The following IQANK1 variants were observed in gnomAD, a reference collection of about 807,000 sequenced individuals.
IQANK1 encodes the protein IQ motif and ankyrin repeat domain-containing protein 1.
Under a neutral mutation model 22.6 loss-of-function variants are expected in IQANK1, and 30 were observed. The observed-to-expected ratio is 1.33, with a 90% CI of 0.99 to 1.80. The LOEUF (loss-of-function observed/expected upper bound fraction) is 1.80, where lower values mean the gene tolerates loss of function less well. Among genes scored for constraint, IQANK1 ranks in the 40% most tolerant of loss-of-function variants. IQANK1 has a pLI of 0.00. For synonymous variants in IQANK1, 122 were observed against 99.6 expected, an observed-to-expected ratio of 1.23 and a Z score of -1.34; for missense variants, 275 against 235.2, an observed-to-expected ratio of 1.17 and a Z score of -1.11.
intron 3 of IQANK1, among the ~76,000 whole-genome samples, chr8:143,752,995 CG>C (rs1294322039): frequency 0.015 from 1,092 of 74,698 alleles, 21 homozygotes; most frequent in African/African-American, 0.051. Flanking sequence ...ACTCTCTGTT[CG>C]TTTTTTTTTT....
intron 3 of IQANK1, among the ~76,000 whole-genome samples, chr8:143,762,202 T>C (rs1819407850): frequency 6.6e-6 from 1 of 151,932 alleles, no homozygotes; most frequent in Non-Finnish European, 1.5e-5. Flanking sequence ...TCCCAGCTAC[T>C]CGGGAGGCTG....
At position 143,773,317 on chromosome 8, in the gene IQANK1, C is replaced by CA. The variant is rs112006229; in HGVS notation, c.789+843dup. On this transcript the variant is annotated intron_variant, in intron 7 of 13. Coordinates refer to ENST00000527139, the MANE Select transcript of IQANK1 (RefSeq NM_001381874.1). ...GTGAGACTCAAAAAAAAAAAAAAAA[C>CA]AAAAAAAACACAAAAAAAACAGAGT... 6.1e-3 allele frequency among the ~76,000 whole-genome samples: 821 copies of CA among 133,682 alleles called. 5 individuals carry two copies. Among genetic ancestry groups the CA allele is most frequent in the Admixed American group, 9.7e-3 (134 of 13,758 alleles). 87.7% of individuals were successfully genotyped at this position (133,682 alleles called of 152,430 possible).
chr8:143,751,650 G>GTATATATATATA (rs1223222979), intron 3 of IQANK1, among the ~76,000 whole-genome samples: 2 of 27,848 alleles, frequency 7.2e-5, no homozygotes, highest in Admixed American at 1.1e-3. Context: ...GTGTGTGTGT[G>GTATATATATATA]TGTGTGTGTG....
Position 143,790,120 on chromosome 8 carries a change from C to G in IQANK1, c.1290-17C>G, listed in dbSNP as rs782037321. On this transcript the variant is annotated splice_polypyrimidine_tract_variant and intron_variant, in intron 12 of 13. Transcript: ENST00000527139. ...TGGGGTTTGGACAGACAGCAGTGAC[C>G]TGATGGGTGTCCCCAGGTGGCCTCT... 8.4e-5 allele frequency: 103 copies of G among 1,231,984 alleles called. No homozygotes were observed. The highest frequency in any genetic ancestry group is 1.0e-4 in the Non-Finnish European group (100 of 988,004). 76.3% of individuals were successfully genotyped at this position (1,231,984 alleles called of 1,614,324 possible).
In IQANK1 at chr8:143,790,142, C is replaced by T. The variant is rs192093540; in HGVS notation, c.1295C>T (p.Pro432Leu). 8 of 1,232,072 alleles carry T rather than the reference C, an allele frequency of 6.5e-6. No homozygotes were observed. Among genetic ancestry groups the T allele is most frequent in the East Asian group, 6.3e-5 (2 of 31,710 alleles). The allele number at this position is 1,232,072 out of a possible 1,614,324, so 76.3% of individuals were successfully genotyped here. ...GACCTGATGGGTGTCCCCAGGTGGC[C>T]TCTTGTTATTGACCCTTTGGGCCAG... ...GNRIRADGRW[P>L]LVIDPLGQAA... The change falls in exon 13 of 14, where the codon CCT becomes CTT. Residue 432 changes from proline to leucine, a missense_variant. By Grantham distance (98) the Pro-to-Leu change is moderately conservative (BLOSUM62 -3). Transcript: ENST00000527139.
intron 3 of IQANK1, among the ~76,000 whole-genome samples, chr8:143,753,388 TC>T (rs1321153075): frequency 6.6e-6 from 1 of 152,114 alleles, no homozygotes; most frequent in Non-Finnish European, 1.5e-5. Context: ...GTGCTTGAGT[TC>T]TTTAAGATAA....
intron 3 of IQANK1, among the ~76,000 whole-genome samples, chr8:143,754,483 G>T (rs1819252191): frequency 6.6e-6 from 1 of 152,138 alleles, no homozygotes; most frequent in Non-Finnish European, 1.5e-5. Flanking sequence ...GTTCCTTGTG[G>T]GCAGTTGGGC....
intron 7 of IQANK1, among the ~76,000 whole-genome samples, chr8:143,773,831 C>T (rs1819632862): frequency 6.6e-6 from 1 of 152,154 alleles, no homozygotes; most frequent in African/African-American, 2.4e-5. Flanking sequence ...TACGGTGAGG[C>T]GTCCAGAGGT....
chr8:143,746,409 G>A (rs1389241904), intron 3 of IQANK1: 2 of 152,120 alleles, frequency 1.3e-5, no homozygotes, highest in African/African-American at 4.8e-5. Context: ...AGGGGACAGG[G>A]GCACAGTCTG....
intron 3 of IQANK1, among the ~76,000 whole-genome samples, chr8:143,747,938 C>T (rs563295328): frequency 1.4e-5 from 2 of 139,120 alleles, no homozygotes; most frequent in South Asian, 2.3e-4. Flanking sequence ...CTTTCCTTTC[C>T]TTTCCTTTCC....
At chr8:143,752,230 T>G (rs1819211242) in intron 3 of IQANK1, among the ~76,000 whole-genome samples, 1 of 152,184 alleles carries the variant, frequency 6.6e-6, no homozygotes, top group South Asian at 2.1e-4. Context: ...CCCCCCAAAG[T>G]GCTGGGATTA....
chr8:143,775,599 A>C (rs148773974), intron 7 of IQANK1, among the ~76,000 whole-genome samples: 1 of 152,074 alleles, frequency 6.6e-6, no homozygotes, highest in Non-Finnish European at 1.5e-5. Context: ...TCTCTACTAA[A>C]AATACAAAAA....
At chr8:143,748,763 A>G (rs1317922845) in intron 3 of IQANK1, among the ~76,000 whole-genome samples, 3 of 105,008 alleles carry the variant, frequency 2.9e-5, no homozygotes, top group African/African-American at 4.1e-5. Context: ...ATATAAATAT[A>G]TATAATATAT....
intron 1 of IQANK1, among the ~76,000 whole-genome samples, chr8:143,734,643 C>T (rs1262610937): frequency 2.0e-5 from 3 of 151,948 alleles, no homozygotes; most frequent in Non-Finnish European, 4.4e-5. Flanking sequence ...GGAACCCCAC[C>T]TGCATATGAG....
chr8:143,738,476 G>A (rs559101783), intron 2 of IQANK1, among the ~76,000 whole-genome samples: 1 of 152,178 alleles, frequency 6.6e-6, no homozygotes, highest in African/African-American at 2.4e-5. Flanking sequence ...GCCAGGCCAC[G>A]CCAGGGAGTT....
intron 3 of IQANK1, among the ~76,000 whole-genome samples, chr8:143,766,520 A>G (rs1819483469): frequency 1.3e-5 from 2 of 151,852 alleles, no homozygotes; most frequent in Admixed American, 6.6e-5. Flanking sequence ...AAAATACAAA[A>G]ATTAGCCAGG....
chr8:143,742,656 A>C, intron 3 of IQANK1: 1 of 456,030 alleles, frequency 2.2e-6, no homozygotes. Context: ...TCCACCAGGA[A>C]GGTGTGGCTG....
At chr8:143,749,176 AATATATAAATATATATC>A (rs1349830754) in intron 3 of IQANK1, among the ~76,000 whole-genome samples, 1 of 123,840 alleles carries the variant, frequency 8.1e-6, no homozygotes, top group Admixed American at 9.2e-5. Context: ...CAATATATAT[AATATATAAATATATATC>A]ATATATAAAT....
chr8:143,748,830 T>TTAATATATAAATATATAAATATATATA (rs1819104087), intron 3 of IQANK1, among the ~76,000 whole-genome samples: 1 of 84,000 alleles, frequency 1.2e-5, no homozygotes, highest in Non-Finnish European at 2.1e-5. Context: ...AAATATATAT[T>TTAATATATAAATATATAAATATATATA]TCATATATAA....
Sources: allele counts gnomAD v4.1 joint callset (sites outside exome capture counted in the v4.1 genomes callset), GRCh38; gene constraint gnomAD v4.1.1; transcripts MANE v1.5; gene names NCBI Gene and HGNC (gene_info 2026-07-23, HGNC 2026-07-21).